Variants in PPARGC1A observed in about 807,000 individuals in gnomAD.
PPARGC1A encodes the protein peroxisome proliferator-activated receptor gamma coactivator 1-alpha.
Under a neutral mutation model 88.7 loss-of-function variants are expected in PPARGC1A, and 25 were observed. The observed-to-expected ratio is 0.28, with a 90% CI of 0.21 to 0.39. The LOEUF (loss-of-function observed/expected upper bound fraction) is 0.39, where lower values mean the gene tolerates loss of function less well. Ranked by LOEUF, PPARGC1A falls within the 10% of genes least tolerant of loss-of-function variation. The probability of loss-of-function intolerance (pLI) is 1.00; values close to 1 mark genes in which losing one functional copy is unlikely to be tolerated. For synonymous variants in PPARGC1A, 363 were observed against 355.6 expected, an observed-to-expected ratio of 1.02 and a Z score of -0.24; for missense variants, 880 against 968.7, an observed-to-expected ratio of 0.91 and a Z score of 1.22.
chr4:23,961,702 C>A, the PPARGC1A span, among the ~76,000 whole-genome samples: 2 of 152,102 alleles, frequency 1.3e-5, no homozygotes, highest in Admixed American at 1.3e-4. Context: ...CTCCCACAAG[C>A]CCCCTGTGCC....
the PPARGC1A span, among the ~76,000 whole-genome samples, chr4:24,428,891 G>A: frequency 2.6e-5 from 4 of 152,188 alleles, no homozygotes; most frequent in East Asian, 7.7e-4. Context: ...GATAATCTCA[G>A]GCATTATGAG....
intron 2 of PPARGC1A, among the ~76,000 whole-genome samples, chr4:23,834,168 C>T (rs187305334): frequency 0.011 from 1,665 of 152,112 alleles, 14 homozygotes; most frequent in Middle Eastern, 0.027. Context: ...GGCGTGGTGG[C>T]GGACGCCTGT....
At chr4:24,397,728 T>G in the PPARGC1A span, among the ~76,000 whole-genome samples, 1 of 152,212 alleles carries the variant, frequency 6.6e-6, no homozygotes, top group African/African-American at 2.4e-5. Flanking sequence ...CCAACCTTTT[T>G]GAGTCACAGT....
the PPARGC1A span, among the ~76,000 whole-genome samples, chr4:24,059,155 T>A: frequency 1.3e-5 from 2 of 152,168 alleles, no homozygotes; most frequent in African/African-American, 4.8e-5. Context: ...ACTGTGGCTA[T>A]CAAAAGGGCA....
chr4:24,119,649 A>C, the PPARGC1A span, among the ~76,000 whole-genome samples: 1 of 151,146 alleles, frequency 6.6e-6, no homozygotes, highest in East Asian at 1.9e-4. Context: ...TTTATAAATT[A>C]ACGATTGGAG....
At chr4:23,824,546 A>C (rs1174982992) in intron 5 of PPARGC1A, 38 bp from the exon 6 acceptor site, 1 of 1,505,174 alleles carries the variant, frequency 6.6e-7, no homozygotes, top group Admixed American at 1.9e-5. Context: ...TGTAATATTG[A>C]GTGTCTTTTA....
At chr4:24,066,430 C>A in the PPARGC1A span, among the ~76,000 whole-genome samples, 1 of 152,154 alleles carries the variant, frequency 6.6e-6, no homozygotes, top group Admixed American at 6.5e-5. Context: ...TAAAAAGGAG[C>A]TGACACAAAT....
intron 2 of PPARGC1A, among the ~76,000 whole-genome samples, chr4:23,875,270 C>T (rs1334411046): frequency 6.6e-6 from 1 of 152,004 alleles, no homozygotes; most frequent in Non-Finnish European, 1.5e-5. Flanking sequence ...TCTTGTAATT[C>T]TTTTGTTTCT....
chr4:23,885,467 T>C (rs1483904756), intron 1 of PPARGC1A, among the ~76,000 whole-genome samples: 3 of 152,266 alleles, frequency 2.0e-5, no homozygotes, highest in African/African-American at 7.2e-5. Flanking sequence ...TAGCAACTAA[T>C]GATGCAAAGC....
chr4:24,196,658 G>A, the PPARGC1A span, among the ~76,000 whole-genome samples: 1 of 152,174 alleles, frequency 6.6e-6, no homozygotes, highest in Non-Finnish European at 1.5e-5. Context: ...TGGAGGTTAA[G>A]CATTTCCTAA....
chr4:24,269,497 G>A, the PPARGC1A span, among the ~76,000 whole-genome samples: 11 of 152,100 alleles, frequency 7.2e-5, no homozygotes, highest in South Asian at 2.1e-4. Context: ...TGAGTTCTAC[G>A]TTCAAATCTT....
At chr4:24,322,934 CATTGT>C in the PPARGC1A span, among the ~76,000 whole-genome samples, 43 of 152,122 alleles carry the variant, frequency 2.8e-4, no homozygotes, top group Non-Finnish European at 5.6e-4. Flanking sequence ...CAAATTATAT[CATTGT>C]ATTATCTACA....
chr4:24,315,322 G>A, the PPARGC1A span, among the ~76,000 whole-genome samples: 216 of 152,294 alleles, frequency 1.4e-3, 5 homozygotes, highest in African/African-American at 4.9e-3. Flanking sequence ...GGTGAGGCAT[G>A]GGGAAGTCAT....
At chr4:24,463,013 C>T in the PPARGC1A span, among the ~76,000 whole-genome samples, 9 of 152,020 alleles carry the variant, frequency 5.9e-5, no homozygotes, top group East Asian at 1.9e-4. Context: ...CTCACAAGCC[C>T]GCCAACTTCT....
At position 23,792,179 on chromosome 4, in the gene PPARGC1A, C is replaced by T. The variant is rs775665840; in HGVS notation, c.*3643G>A. The T allele has an allele frequency of 5.2e-5, 8 of 152,598 alleles. No individual in the cohort carries two copies. Among genetic ancestry groups the T allele is most frequent in the East Asian group, 1.9e-4 (1 of 5,196 alleles). The allele number at this position is 152,598 out of a possible 1,614,324, so 9.5% of individuals were successfully genotyped here. ...AAGGCCCGGCAAGGGCTCAACTAAT[C>T]GCTCACTTTCCCTCTTCAGCATAGT... On this transcript the variant is annotated 3_prime_UTR_variant, in exon 13 of 13. Coordinates refer to ENST00000264867, the MANE Select transcript of PPARGC1A (RefSeq NM_013261.5).
chr4:23,873,216 ATAAAAAAT>A lies in PPARGC1A; in HGVS notation c.234+11528_234+11535del, dbSNP rs1560488234. On this transcript the variant is annotated intron_variant, in intron 2 of 12. Coordinates refer to ENST00000264867, the MANE Select transcript of PPARGC1A (RefSeq NM_013261.5). ...CCGTCTCAAAAATAAAAAATAAAAA[ATAAAAAAT>A]AAAGAAAAAAATGTGACCAGCCATA... Among the ~76,000 whole-genome samples the A allele has an allele frequency of 9.9e-4, 141 of 142,052 alleles. 17 individuals carry two copies. The highest frequency in any genetic ancestry group is 5.3e-3 in the East Asian group (25 of 4,720). The allele number at this position is 142,052 out of a possible 152,430, so 93.2% of individuals were successfully genotyped here. A position where few individuals can be genotyped will look rare whatever the true frequency, so the allele number is the denominator to read the frequency against.
At chr4:23,929,139 A>C in the PPARGC1A span, among the ~76,000 whole-genome samples, 1 of 152,212 alleles carries the variant, frequency 6.6e-6, no homozygotes, top group Non-Finnish European at 1.5e-5. Flanking sequence ...TTAAAAATCA[A>C]AATCAAAATA....
the PPARGC1A span, among the ~76,000 whole-genome samples, chr4:24,099,461 G>A: frequency 6.6e-6 from 1 of 152,080 alleles, no homozygotes; most frequent in South Asian, 2.1e-4. Context: ...AGTTCAGCTT[G>A]GAGAGCAGGA....
At chr4:23,831,977 A>G (rs1560399976) in intron 2 of PPARGC1A, among the ~76,000 whole-genome samples, 1 of 152,066 alleles carries the variant, frequency 6.6e-6, no homozygotes, top group Non-Finnish European at 1.5e-5. Context: ...GAGCTGCCTA[A>G]TTTATCGATT....
Sources: gnomAD v4.1 joint callset for allele counts (sites outside exome capture counted in the v4.1 genomes callset) on GRCh38, gnomAD v4.1.1 for gene constraint, MANE v1.5 for transcripts, NCBI Gene and HGNC (gene_info 2026-07-23, HGNC 2026-07-21) for gene names.